CNTNAP5: variants seen among roughly 807,000 people sequenced by gnomAD.
CNTNAP5 encodes the protein contactin-associated protein-like 5.
CNTNAP5 carries 72 observed loss-of-function variants against 150.2 expected under a neutral mutation model. That is an observed-to-expected ratio of 0.48 (90% confidence interval 0.40 to 0.58). The LOEUF is 0.58. CNTNAP5 is among the 20% of genes least tolerant of loss of function. CNTNAP5 has a pLI of 0.00. For synonymous variants in CNTNAP5, 672 were observed against 619.8 expected (o/e 1.08, Z -1.25); for missense variants, 1,636 against 1,626.2 (o/e 1.01, Z -0.10).
At chr2:124,803,383 T>C (rs1682012748) in intron 19 of CNTNAP5, among the ~76,000 whole-genome samples, 1 of 152,208 alleles carries the variant, frequency 6.6e-6, no homozygotes, top group Non-Finnish European at 1.5e-5. Context: ...TTATTCACAT[T>C]GCAGTTGAAA....
intron 1 of CNTNAP5, among the ~76,000 whole-genome samples, chr2:124,072,919 A>G (rs1682344058): frequency 1.3e-5 from 2 of 152,122 alleles, no homozygotes; most frequent in African/African-American, 4.8e-5. Flanking sequence ...CAGCAAAAAG[A>G]ACAAAACTGG....
At chr2:124,139,052 G>A (rs1320377745) in intron 1 of CNTNAP5, among the ~76,000 whole-genome samples, 1 of 151,884 alleles carries the variant, frequency 6.6e-6, no homozygotes, top group Non-Finnish European at 1.5e-5. Context: ...CCCTGCAGCT[G>A]TTCAATCTTC....
intron 11 of CNTNAP5, among the ~76,000 whole-genome samples, chr2:124,590,469 C>A (rs1696654402): frequency 6.6e-6 from 1 of 152,152 alleles, no homozygotes. Flanking sequence ...TTCAGCACTC[C>A]CATTAGTTTT....
At chr2:124,112,289 A>C (rs1032721057) in intron 1 of CNTNAP5, among the ~76,000 whole-genome samples, 2 of 152,076 alleles carry the variant, frequency 1.3e-5, no homozygotes, top group Non-Finnish European at 2.9e-5. Context: ...TGAGTTGACT[A>C]TTTGGACAAG....
chr2:124,397,706 A>G (rs925605524), intron 3 of CNTNAP5, among the ~76,000 whole-genome samples: 1 of 152,200 alleles, frequency 6.6e-6, no homozygotes, highest in African/African-American at 2.4e-5. Flanking sequence ...AGATGAATAG[A>G]CTAAGATTCT....
intron 13 of CNTNAP5, among the ~76,000 whole-genome samples, chr2:124,743,624 T>A (rs997458405): frequency 6.6e-5 from 10 of 152,170 alleles, no homozygotes; most frequent in Non-Finnish European, 1.3e-4. Context: ...CGTTCAGCAT[T>A]CGGGGGCAGC....
chr2:124,026,250 C>T (rs1680885446), intron 1 of CNTNAP5, among the ~76,000 whole-genome samples: 1 of 152,166 alleles, frequency 6.6e-6, no homozygotes, highest in Non-Finnish European at 1.5e-5. Flanking sequence ...CCAATGGGCA[C>T]CGGTTTAACA....
At chr2:124,537,021 G>GGTGTGT (rs1041910395) in intron 10 of CNTNAP5, among the ~76,000 whole-genome samples, 4 of 151,312 alleles carry the variant, frequency 2.6e-5, no homozygotes, top group African/African-American at 9.7e-5. Flanking sequence ...GACAATGTGT[G>GGTGTGT]GTGTGTGTGT....
At chr2:124,693,551 A>G (rs377429131) in intron 13 of CNTNAP5, among the ~76,000 whole-genome samples, 18 of 152,250 alleles carry the variant, frequency 1.2e-4, no homozygotes, top group South Asian at 6.2e-4. Flanking sequence ...AATGGTAACC[A>G]TTGATATCCA....
At chr2:124,592,014 A>G (rs116155499) in intron 11 of CNTNAP5, among the ~76,000 whole-genome samples, 20 of 152,252 alleles carry the variant, frequency 1.3e-4, no homozygotes, top group African/African-American at 4.3e-4. Context: ...TCATAGCTAT[A>G]TATTCAGAAG....
rs1260299553 is a variant in CNTNAP5, at chr2:124,029,312, G to A, written c.82+3580G>A. On this transcript the variant is annotated intron_variant, in intron 1 of 23. Transcript: ENST00000682447. ...GATAATATTAAAAATAAACAATCACGCTGGTTTTTTCAGCAGCAACTTTTT... is the reference window on the plus strand; with the variant it reads ...GATAATATTAAAAATAAACAATCACACTGGTTTTTTCAGCAGCAACTTTTT... Among the ~76,000 whole-genome samples the A allele has an allele frequency of 2.0e-4, 31 of 151,970 alleles. 1 individual carries two copies. Among genetic ancestry groups the A allele is most frequent in the Admixed American group, 2.0e-3 (31 of 15,274 alleles).
chr2:124,035,820 T>G (rs1422735586), intron 1 of CNTNAP5, among the ~76,000 whole-genome samples: 2 of 152,110 alleles, frequency 1.3e-5, no homozygotes, highest in African/African-American at 4.8e-5. Flanking sequence ...CACATTTATG[T>G]TTTCCAGTAT....
chr2:124,624,765 G>T (rs1258819215), intron 12 of CNTNAP5, among the ~76,000 whole-genome samples: 1 of 152,158 alleles, frequency 6.6e-6, no homozygotes, highest in Non-Finnish European at 1.5e-5. Context: ...GGAAACAGGG[G>T]TTGAAAGTAC....
intron 22 of CNTNAP5, among the ~76,000 whole-genome samples, chr2:124,904,261 T>G (rs1002895712): frequency 6.6e-6 from 1 of 152,118 alleles, no homozygotes; most frequent in Non-Finnish European, 1.5e-5. Context: ...TATTTCAAAT[T>G]GGCATAATGT....
At chr2:124,200,053 T>G (rs1351807608) in intron 1 of CNTNAP5, among the ~76,000 whole-genome samples, 1 of 152,220 alleles carries the variant, frequency 6.6e-6, no homozygotes, top group Admixed American at 6.5e-5. Flanking sequence ...TTTTCGTGAT[T>G]CTAAAACAAT....
At chr2:124,814,071 A>G (rs1408061285) in intron 19 of CNTNAP5, among the ~76,000 whole-genome samples, 1 of 149,790 alleles carries the variant, frequency 6.7e-6, no homozygotes, top group Non-Finnish European at 1.5e-5. Flanking sequence ...TCACCTCTAA[A>G]CTCTCCTCAA....
At chr2:124,419,900 CTT>C (rs1692041087) in intron 4 of CNTNAP5, among the ~76,000 whole-genome samples, 1 of 82,254 alleles carries the variant, frequency 1.2e-5, no homozygotes, top group African/African-American at 6.0e-5. Flanking sequence ...GATTGGTTTT[CTT>C]TCTTTCTTTC....
In CNTNAP5 at chr2:124,754,108, C is replaced by T. The variant is rs550743263; in HGVS notation, c.2234+6723C>T. On this transcript the variant is annotated intron_variant, in intron 14 of 23. Coordinates refer to ENST00000682447, the MANE Select transcript of CNTNAP5 (RefSeq NM_001367498.1). ...ATTATTTGATCTTTCAGAACTCTTT[C>T]GGTTTCCTCAAAACCTTCACCTCTG... is the stretch of plus-strand genomic sequence containing the variant. 3.3e-5 allele frequency among the ~76,000 whole-genome samples: 5 copies of T among 152,158 alleles called. No individual in the cohort carries two copies. The East Asian group carries it at 5.8e-4, about 18-fold the overall frequency.
At chr2:124,352,952 C>A (rs1185595699) in intron 3 of CNTNAP5, among the ~76,000 whole-genome samples, 1 of 152,096 alleles carries the variant, frequency 6.6e-6, no homozygotes, top group African/African-American at 2.4e-5. Flanking sequence ...ATGCTTTGGG[C>A]CTCTGTCAAG....
Sources: allele counts gnomAD v4.1 joint callset (sites outside exome capture counted in the v4.1 genomes callset), GRCh38; gene constraint gnomAD v4.1.1; transcripts MANE v1.5; gene names NCBI Gene and HGNC (gene_info 2026-07-23, HGNC 2026-07-21).